The following DPP6 variants were observed in gnomAD, a reference collection of about 807,000 sequenced individuals.
DPP6 encodes the protein A-type potassium channel modulatory protein DPP6.
Under a neutral mutation model 122.6 loss-of-function variants are expected in DPP6, and 69 were observed. That is an observed-to-expected ratio of 0.56 (90% CI 0.46 to 0.69). The LOEUF is 0.69. DPP6 is among the 30% of genes least tolerant of loss of function. The pLI, the probability that DPP6 is intolerant of heterozygous loss-of-function variation, is 0.00. For synonymous variants in DPP6, 418 were observed against 433.1 expected (o/e 0.97, Z 0.43); for missense variants, 928 against 1,116.9 (o/e 0.83, Z 2.41).
chr7:154,420,058 C>CCGGCA (rs1313795468), intron 1 of DPP6, among the ~76,000 whole-genome samples: 1 of 152,172 alleles, frequency 6.6e-6, no homozygotes, highest in African/African-American at 2.4e-5. Context: ...AAGGAGAAGG[C>CCGGCA]CGGCACGGTG....
At chr7:153,906,214 A>T (rs1057301540) in intron 1 of DPP6, among the ~76,000 whole-genome samples, 1 of 152,100 alleles carries the variant, frequency 6.6e-6, no homozygotes, top group African/African-American at 2.4e-5. Flanking sequence ...GTTTATTCTT[A>T]TGGATTTAGG....
the DPP6 span, among the ~76,000 whole-genome samples, chr7:153,806,516 C>T: frequency 6.6e-6 from 1 of 151,656 alleles, no homozygotes; most frequent in South Asian, 2.1e-4. Flanking sequence ...TCAGTCTAAG[C>T]TCCTGCAATT....
Position 154,074,043 on chromosome 7 carries a change from G to GTATCTATCTATC in DPP6, c.243+20991_243+20992insCTATCTATCTAT, listed in dbSNP as rs149932249. Among the ~76,000 whole-genome samples the GTATCTATCTATC allele has an allele frequency of 4.7e-5, 7 of 148,400 alleles. No homozygotes were observed. The South Asian group carries it at 1.1e-3, about 23-fold the overall frequency. On this transcript the variant is annotated intron_variant, in intron 1 of 25. Coordinates refer to ENST00000377770, the MANE Select transcript of DPP6 (RefSeq NM_130797.4). ...TGTATGTATGTATGTATGTATGTAA[G>GTATCTATCTATC]TATCTATCTATATATCTCCATATAT...
At chr7:153,872,481 C>G in the DPP6 span, among the ~76,000 whole-genome samples, 1 of 152,150 alleles carries the variant, frequency 6.6e-6, no homozygotes, top group Non-Finnish European at 1.5e-5. Context: ...AAATATACCA[C>G]TGGTTGCCAG....
At chr7:154,240,474 C>G (rs1297267977) in intron 1 of DPP6, among the ~76,000 whole-genome samples, 1 of 152,106 alleles carries the variant, frequency 6.6e-6, no homozygotes, top group Non-Finnish European at 1.5e-5. Flanking sequence ...AGAAAATGAC[C>G]ACTAAGTTCT....
intron 3 of DPP6, among the ~76,000 whole-genome samples, chr7:154,513,416 GT>G (rs1364333320): frequency 2.0e-5 from 3 of 151,792 alleles, no homozygotes; most frequent in African/African-American, 7.3e-5. Context: ...TTGTTGGTTT[GT>G]TTTTTAATGT....
At chr7:154,891,001 G>C (rs1806555072) in intron 25 of DPP6, 1 of 152,194 alleles carries the variant, frequency 6.6e-6, no homozygotes, top group South Asian at 2.1e-4. Flanking sequence ...GCTGAGGTGC[G>C]GGGATTGCCT....
At chr7:154,300,600 C>G (rs963471789) in intron 1 of DPP6, among the ~76,000 whole-genome samples, 1 of 152,102 alleles carries the variant, frequency 6.6e-6, no homozygotes, top group Non-Finnish European at 1.5e-5. Flanking sequence ...CGCCCAAGCA[C>G]TTTGGAGGGG....
intron 16 of DPP6, among the ~76,000 whole-genome samples, chr7:154,826,676 C>T (rs1385902770): frequency 1.3e-5 from 2 of 151,380 alleles, no homozygotes; most frequent in Admixed American, 6.6e-5. Flanking sequence ...GGGAGAGATT[C>T]GAAAAATGAA....
intron 5 of DPP6, among the ~76,000 whole-genome samples, chr7:154,611,547 G>T (rs1833910758): frequency 6.6e-6 from 1 of 152,124 alleles, no homozygotes; most frequent in South Asian, 2.1e-4. Flanking sequence ...GCATGTGTGT[G>T]TGTGTAATAT....
chr7:154,724,790 T>C (rs1184754400), intron 7 of DPP6, among the ~76,000 whole-genome samples: 1 of 151,954 alleles, frequency 6.6e-6, no homozygotes, highest in Non-Finnish European at 1.5e-5. Context: ...GTTACAATAG[T>C]ATTTAACGGG....
chr7:153,755,046 G>A, the DPP6 span, among the ~76,000 whole-genome samples: 1 of 139,208 alleles, frequency 7.2e-6, no homozygotes, highest in East Asian at 2.5e-4. Flanking sequence ...CTCGAAATTG[G>A]ACCACAGTTT....
intron 1 of DPP6, among the ~76,000 whole-genome samples, chr7:153,950,268 AAGGGAGTCC>A (rs1251501211): frequency 2.0e-5 from 3 of 152,078 alleles, no homozygotes; most frequent in Admixed American, 6.5e-5. Context: ...ACATGGTAGG[AAGGGAGTCC>A]AGGCAGAGAT....
chr7:154,060,830 G>C (rs1320750568), intron 1 of DPP6, among the ~76,000 whole-genome samples: 2 of 132,500 alleles, frequency 1.5e-5, no homozygotes, highest in Non-Finnish European at 3.2e-5. Context: ...CAGGGACTGA[G>C]AGCCAGCCCC....
intron 16 of DPP6, among the ~76,000 whole-genome samples, chr7:154,841,369 C>T (rs569226292): frequency 3.3e-5 from 5 of 151,564 alleles, no homozygotes; most frequent in African/African-American, 1.2e-4. Context: ...CTTTGCCCCC[C>T]TGCAGGCTTG....
intron 1 of DPP6, among the ~76,000 whole-genome samples, chr7:154,267,569 A>G (rs1269388822): frequency 6.7e-6 from 1 of 149,070 alleles, no homozygotes; most frequent in African/African-American, 2.5e-5. Context: ...ACACACATGT[A>G]CACACACATA....
chr7:154,826,756 C>G (rs1240154624), intron 16 of DPP6, among the ~76,000 whole-genome samples: 1 of 152,186 alleles, frequency 6.6e-6, no homozygotes, highest in Admixed American at 6.5e-5. Flanking sequence ...AGCTTTTTCT[C>G]TTAATGGAGA....
chr7:154,063,344 G>A lies in DPP6; in HGVS notation c.243+10281G>A, dbSNP rs1309949167. Among the ~76,000 whole-genome samples, 32 of 124,036 alleles carry A rather than the reference G, an allele frequency of 2.6e-4. No homozygotes were observed. The East Asian group carries it at 6.3e-3, about 24-fold the overall frequency. The allele number at this position is 124,036 out of a possible 152,430, so 81.4% of individuals were successfully genotyped here. A position where few individuals can be genotyped will look rare whatever the true frequency, so the allele number is the denominator to read the frequency against. ...GTCCCTCTTCTCCCTCTGGCTCTTA[G>A]GAACCCCATTGCAGGAGGGTGTGGC... On this transcript the variant is annotated intron_variant, in intron 1 of 25. Transcript: ENST00000377770.
At chr7:154,477,040 T>C (rs530370109) in intron 3 of DPP6, among the ~76,000 whole-genome samples, 4 of 151,838 alleles carry the variant, frequency 2.6e-5, no homozygotes, top group Admixed American at 6.6e-5. Context: ...AATCATGCCA[T>C]TGCACTCCAA....
Sources: gnomAD v4.1 joint callset for allele counts (sites outside exome capture counted in the v4.1 genomes callset) on GRCh38, gnomAD v4.1.1 for gene constraint, MANE v1.5 for transcripts, NCBI Gene and HGNC (gene_info 2026-07-23, HGNC 2026-07-21) for gene names.